The following GALM variants were observed in gnomAD, a reference collection of about 807,000 sequenced individuals.
GALM encodes galactose mutarotase.
In GALM, 43 loss-of-function variants were observed where a neutral mutation model predicts 37.4. The observed-to-expected ratio is 1.15, with a 90% CI of 0.90 to 1.48. The LOEUF is 1.48. Among genes scored for constraint, GALM ranks in the 40% most tolerant of loss-of-function variants. GALM has a pLI of 0.00. For synonymous variants in GALM, 199 were observed against 170.6 expected (o/e 1.17, Z -1.30); for missense variants, 456 against 419.1 (o/e 1.09, Z -0.77).
At chr2:38,693,596 G>A (rs996361313) in intron 4 of GALM, among the ~76,000 whole-genome samples, 5 of 151,994 alleles carry the variant, frequency 3.3e-5, no homozygotes, top group African/African-American at 1.2e-4. Context: ...GTTGAATTGA[G>A]AAAAAGAAGA....
At chr2:38,669,837 C>CA (rs1665043762) in intron 1 of GALM, among the ~76,000 whole-genome samples, 1 of 151,646 alleles carries the variant, frequency 6.6e-6, no homozygotes, top group Non-Finnish European at 1.5e-5. Context: ...TGTGCTACTG[C>CA]ACTCCAGCCT....
chr2:38,688,851 T>C (rs546279676), intron 3 of GALM, among the ~76,000 whole-genome samples: 21 of 152,290 alleles, frequency 1.4e-4, no homozygotes, highest in Non-Finnish European at 4.4e-5. Context: ...AGTTTTGCTC[T>C]TGATGCCCAG....
At chr2:38,667,700 G>C (rs1180762829) in intron 1 of GALM, among the ~76,000 whole-genome samples, 1 of 151,930 alleles carries the variant, frequency 6.6e-6, no homozygotes, top group African/African-American at 2.4e-5. Context: ...TGGCCAGGCT[G>C]CTGGCGGGCA....
intron 4 of GALM, among the ~76,000 whole-genome samples, chr2:38,701,716 C>G (rs1665923784): frequency 6.6e-6 from 1 of 152,140 alleles, no homozygotes; most frequent in Non-Finnish European, 1.5e-5. Flanking sequence ...ATATAATTAC[C>G]TCCCTGGGGC....
At position 38,713,753 on chromosome 2, in the gene GALM, A is replaced by C. The variant is rs141385373; in HGVS notation, c.635-15803A>C. 1.6e-3 allele frequency among the ~76,000 whole-genome samples: 243 copies of C among 152,166 alleles called. 1 individual carries two copies. Among genetic ancestry groups the C allele is most frequent in the Non-Finnish European group, 2.7e-3 (185 of 68,022 alleles). On this transcript the variant is annotated intron_variant, in intron 4 of 6. Coordinates refer to ENST00000272252, the MANE Select transcript of GALM (RefSeq NM_138801.3). Reference sequence around the variant, plus strand: ...ACCCCATCCCTACAAAAAAATTAAAAAATTAGGTGGGCATGGTGGCACACA... The same window carrying C: ...ACCCCATCCCTACAAAAAAATTAAACAATTAGGTGGGCATGGTGGCACACA...
At chr2:38,726,197 G>A (rs1572544477) in intron 4 of GALM, among the ~76,000 whole-genome samples, 1 of 151,026 alleles carries the variant, frequency 6.6e-6, no homozygotes, top group East Asian at 2.0e-4. Flanking sequence ...ACCATCTACT[G>A]GGAAACAAAA....
intron 2 of GALM, among the ~76,000 whole-genome samples, chr2:38,678,955 C>T (rs189933377): frequency 1.6e-4 from 25 of 152,240 alleles, no homozygotes; most frequent in African/African-American, 5.8e-4. Context: ...GTTTGAACCC[C>T]AGCTCTGTCA....
Position 38,689,836 on chromosome 2 carries a change from T to C in GALM, c.576T>C (p.His192=), listed in dbSNP as rs149779665. 8.1e-6 allele frequency: 13 copies of C among 1,609,990 alleles called. No individual in the cohort carries two copies. In the African/African-American group the frequency reaches 1.1e-4, roughly 13 times the overall value. ...AGQASPNIND[H]EVTIEADTYL... is the part of the protein sequence containing the mutation. ...AGGCTTCCCCAAATATAAATGACCA[T>C]GAAGTCACCATAGAAGCGGATACTT... Residue 192 remains histidine, a synonymous_variant, in exon 4 of 7, where the codon CAT becomes CAC. Coordinates refer to ENST00000272252, the MANE Select transcript of GALM (RefSeq NM_138801.3).
chr2:38,686,077 A>T (rs1665512158), intron 3 of GALM, among the ~76,000 whole-genome samples: 1 of 151,488 alleles, frequency 6.6e-6, no homozygotes. Flanking sequence ...GACCCTTAAG[A>T]GGGTGGGTGC....
intron 4 of GALM, among the ~76,000 whole-genome samples, chr2:38,722,508 C>T (rs1290254850): frequency 1.3e-5 from 2 of 152,154 alleles, no homozygotes; most frequent in African/African-American, 2.4e-5. Flanking sequence ...TAATACACAC[C>T]CATCTGGCCT....
At chr2:38,705,899 G>A (rs549233485) in intron 4 of GALM, among the ~76,000 whole-genome samples, 8 of 151,994 alleles carry the variant, frequency 5.3e-5, no homozygotes, top group East Asian at 1.9e-4. Flanking sequence ...GTGCAGTGGC[G>A]CAACCTCCCC....
At chr2:38,677,811 T>C (rs771850084) in intron 2 of GALM, among the ~76,000 whole-genome samples, 1 of 152,038 alleles carries the variant, frequency 6.6e-6, no homozygotes, top group Non-Finnish European at 1.5e-5. Context: ...AGATGGACTC[T>C]TACATGATAA....
intron 2 of GALM, among the ~76,000 whole-genome samples, chr2:38,680,674 A>T (rs1483878059): frequency 6.6e-6 from 1 of 151,984 alleles, no homozygotes; most frequent in African/African-American, 2.4e-5. Flanking sequence ...CTCAGCAGAT[A>T]TTGCTATATG....
At chr2:38,730,183 T>C (rs1263367079) in intron 5 of GALM, among the ~76,000 whole-genome samples, 2 of 152,248 alleles carry the variant, frequency 1.3e-5, no homozygotes, top group African/African-American at 2.4e-5. Flanking sequence ...ATTTCATCTT[T>C]GTGAAGCCCT....
In GALM at chr2:38,681,324, G is replaced by A. The variant is rs575533020; in HGVS notation, c.390G>A (p.Ser130=). 3.1e-4 allele frequency: 503 copies of A among 1,613,824 alleles called. 3 individuals carry two copies. The South Asian group carries it at 4.2e-3, about 13-fold the overall frequency. Residue 130 remains serine (S), a synonymous_variant, in exon 3 of 7, where the codon TCG becomes TCA. Coordinates refer to ENST00000272252, the MANE Select transcript of GALM (RefSeq NM_138801.3). ...TGCTGTCAAATGGCGTCCAGTTCTC[G>A]CGCATCAGTCCAGATGGTGAAGAAG... ...PRVLSNGVQF[S]RISPDGEEGY...
intron 4 of GALM, among the ~76,000 whole-genome samples, chr2:38,722,030 T>TACCCCCC (rs1666385953): frequency 2.4e-5 from 1 of 41,388 alleles, no homozygotes; most frequent in African/African-American, 9.9e-5. Flanking sequence ...TGCCTTCCCT[T>TACCCCCC]CCCCCCCCCA....
Position 38,723,710 on chromosome 2 carries a change from G to C in GALM, c.635-5846G>C, listed in dbSNP as rs1266962772. ...GGAGGCTGAGGCAGGAGAATCCCTT[G>C]AGCCCAGGAGTTTGAGGCTGCAGTA... On this transcript the variant is annotated intron_variant, in intron 4 of 6. Coordinates refer to ENST00000272252, the MANE Select transcript of GALM (RefSeq NM_138801.3). Among the ~76,000 whole-genome samples the C allele has an allele frequency of 3.3e-5, 5 of 151,996 alleles. 1 individual carries two copies. In the East Asian group the frequency reaches 9.6e-4, roughly 29 times the overall value.
intron 4 of GALM, among the ~76,000 whole-genome samples, chr2:38,694,892 G>A (rs183831365): frequency 5.7e-5 from 6 of 104,476 alleles, no homozygotes; most frequent in Admixed American, 2.6e-4. Flanking sequence ...GCAAGACTCC[G>A]TCTCAAAAAA....
intron 4 of GALM, among the ~76,000 whole-genome samples, chr2:38,726,216 A>ATTT (rs375560759): frequency 1.6e-5 from 2 of 128,854 alleles, no homozygotes; most frequent in African/African-American, 6.6e-5. Flanking sequence ...AAGTGCCTTT[A>ATTT]TTTTTTTTTT....
Sources: allele counts gnomAD v4.1 joint callset (sites outside exome capture counted in the v4.1 genomes callset), GRCh38; gene constraint gnomAD v4.1.1; transcripts MANE v1.5; gene names NCBI Gene and HGNC (gene_info 2026-07-23, HGNC 2026-07-21).